Variants in FGF13 observed in about 807,000 individuals in gnomAD.
The protein encoded by FGF13 is fibroblast growth factor homologous factor 2.
In FGF13, 2 loss-of-function variants were observed where a neutral mutation model predicts 19.5. The observed-to-expected ratio is 0.10, with a 90% CI of 0.04 to 0.32. The LOEUF (loss-of-function observed/expected upper bound fraction) is 0.32. Among genes scored for constraint, FGF13 ranks in the 10% least tolerant of loss-of-function variants. FGF13 has a pLI of 1.00. For missense variants in FGF13, 113 were observed against 192.7 expected, an observed-to-expected ratio of 0.59 and a Z score of 2.45; for synonymous variants, 72 against 76.9, an observed-to-expected ratio of 0.94 and a Z score of 0.33.
chrX:139,192,436 T>G (rs73634010), intron 1 of FGF13, among the ~76,000 whole-genome samples: 5,754 of 111,808 alleles, frequency 0.051, 269 homozygotes, highest in African/African-American at 0.15. Context: ...CAGATTACCA[T>G]CTCTTTTCCT....
intron 1 of FGF13, among the ~76,000 whole-genome samples, chrX:139,027,920 T>C (rs868218559): frequency 1.4e-5 from 1 of 72,781 alleles, no homozygotes; most frequent in African/African-American, 4.7e-5. Flanking sequence ...GTGTCACAAG[T>C]ATACACAGAT....
chrX:138,855,889 C>T (rs2091254125), downstream of FGF13, among the ~76,000 whole-genome samples: 1 of 110,928 alleles, frequency 9.0e-6, no homozygotes, highest in Non-Finnish European at 1.9e-5. Flanking sequence ...ATTTAACCAG[C>T]TGCTTCTTAA....
At chrX:138,670,035 T>G (rs2089595905) in intron 3 of FGF13, among the ~76,000 whole-genome samples, 1 of 112,038 alleles carries the variant, frequency 8.9e-6, no homozygotes, top group African/African-American at 3.2e-5. Context: ...TATTCCAAAG[T>G]TTTTATTGTC....
chrX:138,711,519 C>A lies in FGF13; in HGVS notation c.-516G>T, dbSNP rs2090050469. The A allele has an allele frequency of 1.3e-6, 1 of 756,414 alleles. No homozygotes were observed. The highest frequency in any genetic ancestry group is 2.3e-5 in the African/African-American group (1 of 44,125). The allele number at this position is 756,414 out of a possible 1,213,427, so 62.3% of individuals were successfully genotyped here. A position where few individuals can be genotyped will look rare whatever the true frequency, so the allele number is the denominator to read the frequency against. ...GGCAGCGCGCGGGGGAGCGCGCCCT[C>A]GCCCTGGCCCCTCCGAGTCTTCGAC... is the stretch of plus-strand genomic sequence containing the variant. On this transcript the variant is annotated 5_prime_UTR_variant, in exon 1 of 5. Transcript: ENST00000315930.
intron 3 of FGF13, among the ~76,000 whole-genome samples, chrX:138,830,687 T>TTGTGTGTGTGTGTGTGTGTGTGTG (rs144759178): frequency 9.1e-5 from 8 of 87,518 alleles, no homozygotes; most frequent in Non-Finnish European, 1.3e-4. Context: ...AAAGGGGTGT[T>TTGTGTGTGTGTGTGTGTGTGTGTG]TGTGTGTGTG....
At chrX:138,796,028 A>AT (rs773329560) in intron 3 of FGF13, among the ~76,000 whole-genome samples, 173 of 110,191 alleles carry the variant, frequency 1.6e-3, no homozygotes, top group African/African-American at 5.5e-3. Flanking sequence ...TTCTTCTTGA[A>AT]TTTTTTTTAG....
At chrX:138,867,057 T>C (rs1483148531) in intron 1 of FGF13, among the ~76,000 whole-genome samples, 1 of 111,287 alleles carries the variant, frequency 9.0e-6, no homozygotes, top group African/African-American at 3.3e-5. Flanking sequence ...ACAAGGTCAC[T>C]TTAACAATTA....
At chrX:139,134,295 A>G (rs1028078368) in intron 1 of FGF13, among the ~76,000 whole-genome samples, 3 of 111,557 alleles carry the variant, frequency 2.7e-5, no homozygotes, top group Admixed American at 9.5e-5. Context: ...TGATTTTACT[A>G]CCTGTCAAAA....
At chrX:138,801,304 T>C (rs1195257031) in intron 3 of FGF13, among the ~76,000 whole-genome samples, 1 of 112,258 alleles carries the variant, frequency 8.9e-6, no homozygotes, top group Non-Finnish European at 1.9e-5. Context: ...ATGTTATTGC[T>C]TTTGTTTGTT....
At chrX:138,811,135 C>T (rs1433665659) in intron 3 of FGF13, among the ~76,000 whole-genome samples, 3 of 111,968 alleles carry the variant, frequency 2.7e-5, no homozygotes, top group Non-Finnish European at 5.6e-5. Flanking sequence ...GCTATAAAGA[C>T]ACATGCACAC....
At chrX:138,978,032 C>A (rs1216729928) in intron 1 of FGF13, among the ~76,000 whole-genome samples, 1 of 111,446 alleles carries the variant, frequency 9.0e-6, no homozygotes, top group Non-Finnish European at 1.9e-5. Context: ...GCTATCATAT[C>A]AAATAGCAGC....
intron 1 of FGF13, among the ~76,000 whole-genome samples, chrX:138,960,005 C>T (rs1459054312): frequency 1.8e-5 from 2 of 111,913 alleles, no homozygotes; most frequent in Non-Finnish European, 3.8e-5. Flanking sequence ...TTAATTGGGG[C>T]ATTTAGCCCA....
chrX:139,028,337 A>G (rs2092208829), intron 1 of FGF13, among the ~76,000 whole-genome samples: 1 of 111,755 alleles, frequency 8.9e-6, no homozygotes, highest in African/African-American at 3.2e-5. Context: ...GGAGCTTGGA[A>G]GTGATTAAAG....
chrX:138,626,260 T>C lies in FGF13; in HGVS notation c.*6590A>G, dbSNP rs1251138047. On this transcript the variant is annotated 3_prime_UTR_variant, in exon 5 of 5. Transcript: ENST00000315930. ...TGCATACCAGGGGCTCTGCCCCTCA[T>C]TGTCCAGCTACACTAGGCTAATTAA... 3 of 112,006 alleles carry C rather than the reference T, an allele frequency of 2.7e-5. No homozygotes were observed. The highest frequency in any genetic ancestry group is 5.6e-5 in the Non-Finnish European group (3 of 53,207). The allele number at this position is 112,006 out of a possible 1,213,427, so 9.2% of individuals were successfully genotyped here. A position where few individuals can be genotyped will look rare whatever the true frequency, so the allele number is the denominator to read the frequency against.
intron 1 of FGF13, among the ~76,000 whole-genome samples, chrX:139,069,233 A>C (rs1174962150): frequency 1.3e-5 from 1 of 79,684 alleles, no homozygotes; most frequent in East Asian, 4.0e-4. Flanking sequence ...ACAATGATAG[A>C]CTGGATTAAG....
At chrX:138,792,081 C>A (rs1256503197) in intron 3 of FGF13, among the ~76,000 whole-genome samples, 1 of 111,683 alleles carries the variant, frequency 9.0e-6, no homozygotes, top group Non-Finnish European at 1.9e-5. Flanking sequence ...CACAATAATA[C>A]TATCTTTCTC....
intron 1 of FGF13, among the ~76,000 whole-genome samples, chrX:139,160,899 T>C (rs1050134262): frequency 8.9e-6 from 1 of 111,790 alleles, no homozygotes; most frequent in Non-Finnish European, 1.9e-5. Context: ...GATTCACAGC[T>C]GAATTCTACC....
At chrX:139,190,786 A>T (rs1193298106) in intron 1 of FGF13, among the ~76,000 whole-genome samples, 1 of 112,149 alleles carries the variant, frequency 8.9e-6, no homozygotes, top group Non-Finnish European at 1.9e-5. Flanking sequence ...TAATTAAAAT[A>T]AAAAAGATAA....
intron 1 of FGF13, among the ~76,000 whole-genome samples, chrX:139,122,403 G>T (rs1182499863): frequency 9.0e-6 from 1 of 111,228 alleles, no homozygotes; most frequent in Non-Finnish European, 1.9e-5. Context: ...TCTCATTCAA[G>T]AACCTGCTCC....
Sources: allele counts gnomAD v4.1 joint callset (sites outside exome capture counted in the v4.1 genomes callset), GRCh38; gene constraint gnomAD v4.1.1; transcripts MANE v1.5; gene names NCBI Gene and HGNC (gene_info 2026-07-23, HGNC 2026-07-21).